The following DENND2B variants were observed in gnomAD, a reference collection of about 807,000 sequenced individuals.
The protein encoded by DENND2B is DENN domain-containing protein 2B.
In DENND2B, 32 loss-of-function variants were observed where a neutral mutation model predicts 116.0. That is an observed-to-expected ratio of 0.28 (90% CI 0.21 to 0.37). The LOEUF is 0.37. Among genes scored for constraint, DENND2B ranks in the 10% least tolerant of loss-of-function variants. The pLI is 1.00. For synonymous variants in DENND2B, 588 were observed against 583.9 expected (o/e 1.01, Z -0.10); for missense variants, 1,276 against 1,477.7 (o/e 0.86, Z 2.24).
chr11:8,737,689 CTCCT>C (rs2049323648), intron 2 of DENND2B, among the ~76,000 whole-genome samples: 1 of 151,438 alleles, frequency 6.6e-6, no homozygotes, highest in Non-Finnish European at 1.5e-5. Flanking sequence ...TTCTCTCTCT[CTCCT>C]TCCTTCCTCC....
At chr11:8,865,839 G>T (rs1208431792) in intron 2 of DENND2B, among the ~76,000 whole-genome samples, 1 of 147,072 alleles carries the variant, frequency 6.8e-6, no homozygotes, top group Non-Finnish European at 1.5e-5. Flanking sequence ...CATACTAGGA[G>T]ATTACATCTG....
rs376630536 is a variant in DENND2B at position 8,805,300 on chromosome 11, TG to T, written c.-26+5216del. Among the ~76,000 whole-genome samples, 190 of 152,332 alleles carry T rather than the reference TG, an allele frequency of 1.2e-3. 4 individuals carry two copies. In the South Asian group the frequency reaches 0.037, roughly 30 times the overall value. The stretch of plus-strand genomic sequence containing the variant: ...TGAGTACCTAAGAGTCACTGAGAGT[TG>T]AACAAACACACCACAGGCTAGTTCA... On this transcript the variant is annotated intron_variant, in intron 1 of 19. Coordinates refer to ENST00000313726, the MANE Select transcript of DENND2B (RefSeq NM_213618.2).
At chr11:8,854,684 T>C (rs2063133637) in intron 3 of DENND2B, among the ~76,000 whole-genome samples, 1 of 152,134 alleles carries the variant, frequency 6.6e-6, no homozygotes. Context: ...AAGACCAGCC[T>C]GGGTAACATG....
chr11:8,738,816 C>G (rs2049617032), intron 2 of DENND2B, among the ~76,000 whole-genome samples: 1 of 152,198 alleles, frequency 6.6e-6, no homozygotes, highest in Admixed American at 6.5e-5. Context: ...CTTTCCCCTT[C>G]ATTATCCCAC....
chr11:8,862,199 T>A, intron 2 of DENND2B, among the ~76,000 whole-genome samples: 1 of 151,950 alleles, frequency 6.6e-6, no homozygotes, highest in East Asian at 1.9e-4. Flanking sequence ...TACATATTTT[T>A]AAAATATAAT....
intron 1 of DENND2B, among the ~76,000 whole-genome samples, chr11:8,781,209 A>T (rs1215918907): frequency 6.6e-6 from 1 of 152,198 alleles, no homozygotes; most frequent in Non-Finnish European, 1.5e-5. Context: ...AAGAGGACAT[A>T]TGAAGAAGGT....
At position 8,702,835 on chromosome 11, in the gene DENND2B, T is replaced by C; in HGVS notation, c.2572-115A>G. The C allele has an allele frequency of 7.5e-7, 1 of 1,325,686 alleles. No homozygotes were observed. Among genetic ancestry groups the C allele is most frequent in the Non-Finnish European group, 1.0e-6 (1 of 966,576 alleles). The allele number at this position is 1,325,686 out of a possible 1,614,324, so 82.1% of individuals were successfully genotyped here. ...CTTCCAACCTGCTCTTTTCCAGGTC[T>C]CTCGTCTACCCTGCTATGCAGTAAA... On this transcript the variant is annotated intron_variant, in intron 13 of 19. Coordinates refer to ENST00000313726, the MANE Select transcript of DENND2B (RefSeq NM_213618.2). The surrounding 1 kb of genome is among the most constrained non-coding windows in gnomAD (Gnocchi z 4.6).
At chr11:8,851,527 C>G (rs1055960187) in intron 3 of DENND2B, among the ~76,000 whole-genome samples, 4 of 152,136 alleles carry the variant, frequency 2.6e-5, no homozygotes, top group African/African-American at 9.7e-5. Flanking sequence ...AACAGGCACT[C>G]TCGCTCACGC....
chr11:8,888,927 A>T (rs1018630198), intron 1 of DENND2B, among the ~76,000 whole-genome samples: 2 of 152,168 alleles, frequency 1.3e-5, no homozygotes, highest in Non-Finnish European at 2.9e-5. Context: ...AAATAAAAGT[A>T]ACAAATGTTG....
In DENND2B at chr11:8,771,566, A is replaced by AGAGC. The variant is rs146752028; in HGVS notation, c.-25-20842_-25-20841insGCTC. On this transcript the variant is annotated intron_variant, in intron 1 of 19. Transcript: ENST00000313726. ...GAGAGAGAGAGAGAGAGAGAGAGAG[A>AGAGC]GCCTTCTTCCCAGTTCTGGGCACAG... 3.2e-4 allele frequency: 39 copies of AGAGC among 120,384 alleles called. 4 individuals are homozygous for AGAGC. Among genetic ancestry groups the AGAGC allele is most frequent in the East Asian group, 1.3e-3 (5 of 3,804 alleles). The allele number at this position is 120,384 out of a possible 1,614,324, so 7.5% of individuals were successfully genotyped here. A position where few individuals can be genotyped will look rare whatever the true frequency, so the allele number is the denominator to read the frequency against.
intron 3 of DENND2B, among the ~76,000 whole-genome samples, chr11:8,848,892 GA>G (rs564866858): frequency 1.4e-5 from 2 of 145,212 alleles, no homozygotes; most frequent in East Asian, 2.0e-4. Context: ...ATGGCCTCAA[GA>G]AAAAAAAAAC....
At chr11:8,899,661 A>G (rs749787394) in intron 1 of DENND2B, among the ~76,000 whole-genome samples, 4 of 152,252 alleles carry the variant, frequency 2.6e-5, no homozygotes, top group Non-Finnish European at 5.9e-5. Context: ...AAAGACTGAA[A>G]AAATTTGTTG....
intron 3 of DENND2B, among the ~76,000 whole-genome samples, chr11:8,729,435 G>C (rs754251800): frequency 6.6e-6 from 1 of 152,162 alleles, no homozygotes; most frequent in Non-Finnish European, 1.5e-5. Context: ...TATAGGCCCA[G>C]GGTTCGTATA....
intron 1 of DENND2B, among the ~76,000 whole-genome samples, chr11:8,892,968 C>T (rs2064053032): frequency 6.6e-6 from 1 of 152,192 alleles, no homozygotes; most frequent in Non-Finnish European, 1.5e-5. Context: ...AGACCAATAT[C>T]CCTAGTGAAC....
chr11:8,823,909 TTTTTTTTTTTTGAGATGGA>T (rs1316090234), intron 4 of DENND2B, among the ~76,000 whole-genome samples: 2 of 150,674 alleles, frequency 1.3e-5, no homozygotes, highest in African/African-American at 4.9e-5. Flanking sequence ...TCTTCTTTTT[TTTTTTTTTTTTGAGATGGA>T]GTCTTGCTTT....
chr11:8,891,232 T>A (rs892749523), intron 1 of DENND2B, among the ~76,000 whole-genome samples: 1 of 152,172 alleles, frequency 6.6e-6, no homozygotes, highest in African/African-American at 2.4e-5. Flanking sequence ...CAAGAGCTCC[T>A]GAAGGAAGCA....
At chr11:8,814,895 A>G (rs146480035), upstream of DENND2B, among the ~76,000 whole-genome samples, 125 of 152,330 alleles carry the variant, frequency 8.2e-4, no homozygotes, top group African/African-American at 3.0e-3. Context: ...GCCTCTTTTC[A>G]TCGACTTACA....
intron 1 of DENND2B, among the ~76,000 whole-genome samples, chr11:8,764,942 CAAAAAAAAAA>C (rs35421038): frequency 5.0e-5 from 5 of 100,280 alleles, no homozygotes; most frequent in East Asian, 2.7e-4. Context: ...GAGACTGTCT[CAAAAAAAAAA>C]AAAAAAAAAA....
intron 4 of DENND2B, among the ~76,000 whole-genome samples, chr11:8,720,223 G>A (rs1226745151): frequency 6.6e-6 from 1 of 152,134 alleles, no homozygotes; most frequent in Admixed American, 6.5e-5. Context: ...AGTGTGACAT[G>A]AGTCCCAAGA....
Sources: gnomAD v4.1 joint callset for allele counts (sites outside exome capture counted in the v4.1 genomes callset) on GRCh38, gnomAD v4.1.1 for gene constraint, Gnocchi (gnomAD v3.1) non-coding constraint, MANE v1.5 for transcripts, NCBI Gene and HGNC (gene_info 2026-07-23, HGNC 2026-07-21) for gene names.